The following LRRIQ3 variants were observed in gnomAD, a reference collection of about 807,000 sequenced individuals.
LRRIQ3 encodes the protein leucine-rich repeat and IQ domain-containing protein 3.
In LRRIQ3, 75 loss-of-function variants were observed where a neutral mutation model predicts 59.3. The ratio of observed to expected loss-of-function variants is 1.26; its 90% CI spans 1.05 to 1.53. LRRIQ3 has a LOEUF of 1.53. LRRIQ3 is among the 40% of genes most tolerant of loss of function. The probability of loss-of-function intolerance (pLI) is 0.00; values close to 1 mark genes in which losing one functional copy is unlikely to be tolerated. For missense variants in LRRIQ3, 831 were observed against 710.0 expected (o/e 1.17, Z -1.94); for synonymous variants, 250 against 231.3 (o/e 1.08, Z -0.73).
At chr1:74,031,317 G>C (rs1653703811) in intron 7 of LRRIQ3, among the ~76,000 whole-genome samples, 1 of 152,126 alleles carries the variant, frequency 6.6e-6, no homozygotes, top group Admixed American at 6.6e-5. Context: ...GCACACGTTT[G>C]TTTATTGCAG....
chr1:74,145,050 T>C (rs972877706), intron 4 of LRRIQ3, among the ~76,000 whole-genome samples: 5 of 152,112 alleles, frequency 3.3e-5, no homozygotes, highest in African/African-American at 1.2e-4. Context: ...TTAATGTACA[T>C]TTAGTAGAGG....
rs1653527768 is a variant in LRRIQ3 at position 74,026,794 on chromosome 1, G to T, written c.*19C>A. 1 of 1,576,234 alleles carries T rather than the reference G, an allele frequency of 6.3e-7. No homozygotes were observed. The highest frequency in any genetic ancestry group is 1.2e-5 in the South Asian group (1 of 85,188). On this transcript the variant is annotated 3_prime_UTR_variant, in exon 8 of 8. Transcript: ENST00000354431. ...TGACTATAATTTAAGATGATCATAGGATGTGATCTGGCATTGATTCATTTT... is the reference window on the plus strand; with the variant it reads ...TGACTATAATTTAAGATGATCATAGTATGTGATCTGGCATTGATTCATTTT...
chr1:74,062,048 T>C (rs1304226527), intron 6 of LRRIQ3, among the ~76,000 whole-genome samples: 1 of 151,898 alleles, frequency 6.6e-6, no homozygotes, highest in Non-Finnish European at 1.5e-5. Flanking sequence ...GAAAATAAAA[T>C]TGACCAATGG....
chr1:74,193,700 G>T (rs1165701504), intron 1 of LRRIQ3, among the ~76,000 whole-genome samples: 1 of 152,004 alleles, frequency 6.6e-6, no homozygotes, highest in Non-Finnish European at 1.5e-5. Flanking sequence ...TTGGAAGACA[G>T]ATCATCATTA....
At chr1:74,127,563 T>C (rs10890111) in intron 4 of LRRIQ3, among the ~76,000 whole-genome samples, 128,471 of 151,842 alleles carry the variant, frequency 0.85, 55,318 homozygotes, top group East Asian at 0.97. Flanking sequence ...GATGACTTAA[T>C]AATGATTGTA....
At chr1:74,098,386 G>A (rs1162149903) in intron 5 of LRRIQ3, among the ~76,000 whole-genome samples, 1 of 152,084 alleles carries the variant, frequency 6.6e-6, no homozygotes, top group East Asian at 1.9e-4. Context: ...CAATACAGGA[G>A]CACCCAGATT....
chr1:74,114,650 G>A (rs895593948), intron 4 of LRRIQ3, among the ~76,000 whole-genome samples: 4 of 151,650 alleles, frequency 2.6e-5, no homozygotes, highest in African/African-American at 7.3e-5. Flanking sequence ...GCAGGAGAAT[G>A]GCATGAACCA....
chr1:74,027,009 A>G, intron 7 of LRRIQ3, 40 bp from the exon 8 acceptor site: 1 of 1,341,166 alleles, frequency 7.5e-7, no homozygotes, highest in Non-Finnish European at 1.0e-6. Flanking sequence ...AGATACTTTT[A>G]AATACTGAAA....
At position 74,178,173 on chromosome 1, in the gene LRRIQ3, A is replaced by C. The variant is rs374053724; in HGVS notation, c.573+4365T>G. ...ATTTTATGTTCATCTGTTCACCATTACTTTGGTTTTTGGAATCAATCTTGC... is the reference window on the plus strand; with the variant it reads ...ATTTTATGTTCATCTGTTCACCATTCCTTTGGTTTTTGGAATCAATCTTGC... On this transcript the variant is annotated intron_variant, in intron 3 of 7. Transcript: ENST00000354431. 1.4e-3 allele frequency among the ~76,000 whole-genome samples: 214 copies of C among 152,014 alleles called. 3 individuals carry two copies. The South Asian group carries it at 0.023, about 16-fold the overall frequency.
chr1:74,164,999 T>G (rs1386515333), intron 3 of LRRIQ3, among the ~76,000 whole-genome samples: 1 of 151,580 alleles, frequency 6.6e-6, no homozygotes, highest in East Asian at 1.9e-4. Flanking sequence ...TTTTAGGTTT[T>G]ATTTTCTGTT....
intron 5 of LRRIQ3, among the ~76,000 whole-genome samples, chr1:74,079,441 A>G (rs1646247186): frequency 6.6e-6 from 1 of 151,898 alleles, no homozygotes; most frequent in South Asian, 2.1e-4. Context: ...TTCCTTCAGG[A>G]CTTAACTTTA....
intron 7 of LRRIQ3, among the ~76,000 whole-genome samples, chr1:74,033,260 G>A (rs1264242368): frequency 1.3e-5 from 2 of 151,912 alleles, no homozygotes; most frequent in African/African-American, 4.8e-5. Flanking sequence ...ATGTTCCAAG[G>A]GTTGTAAGGA....
intron 4 of LRRIQ3, among the ~76,000 whole-genome samples, chr1:74,142,965 A>G (rs1029054671): frequency 1.3e-5 from 2 of 152,060 alleles, no homozygotes; most frequent in Non-Finnish European, 1.5e-5. Context: ...AAGCCCATTC[A>G]TTTTGAAAGA....
At chr1:74,147,223 G>C (rs189454056) in intron 4 of LRRIQ3, among the ~76,000 whole-genome samples, 7 of 152,166 alleles carry the variant, frequency 4.6e-5, no homozygotes, top group Admixed American at 4.6e-4. Context: ...GTAAGACTCT[G>C]CATCAAAAGA....
intron 4 of LRRIQ3, among the ~76,000 whole-genome samples, chr1:74,150,832 TTC>T (rs1442262037): frequency 2.0e-5 from 3 of 152,098 alleles, no homozygotes; most frequent in Admixed American, 2.0e-4. Flanking sequence ...AAATTTACTC[TTC>T]TGATACTTAT....
intron 4 of LRRIQ3, among the ~76,000 whole-genome samples, chr1:74,122,749 C>T (rs897645375): frequency 5.9e-5 from 9 of 152,066 alleles, no homozygotes; most frequent in Non-Finnish European, 1.5e-5. Context: ...TAGGCAATAC[C>T]ATTCAGGACA....
At chr1:74,054,854 T>C (rs1349540949) in intron 6 of LRRIQ3, among the ~76,000 whole-genome samples, 1 of 147,690 alleles carries the variant, frequency 6.8e-6, no homozygotes, top group Non-Finnish European at 1.5e-5. Context: ...TATATGTATA[T>C]ATTGATGTGC....
intron 6 of LRRIQ3, among the ~76,000 whole-genome samples, chr1:74,044,720 C>T (rs1038789180): frequency 1.3e-5 from 2 of 151,724 alleles, no homozygotes; most frequent in Non-Finnish European, 2.9e-5. Flanking sequence ...ACTAGCCAGA[C>T]TAATAAGAAT....
intron 4 of LRRIQ3, among the ~76,000 whole-genome samples, chr1:74,134,843 T>C (rs553600101): frequency 1.3e-5 from 2 of 151,572 alleles, no homozygotes; most frequent in South Asian, 4.2e-4. Flanking sequence ...TACAGGGAAA[T>C]ACATGTGATA....
Sources: gnomAD v4.1 joint callset for allele counts (sites outside exome capture counted in the v4.1 genomes callset) on GRCh38, gnomAD v4.1.1 for gene constraint, MANE v1.5 for transcripts, NCBI Gene and HGNC (gene_info 2026-07-23, HGNC 2026-07-21) for gene names.